APBA2: variants seen among roughly 807,000 people sequenced by gnomAD.
The protein encoded by APBA2 is amyloid beta precursor protein binding family A member 2, also known as amyloid-beta A4 precursor protein-binding family A member 2.
In APBA2, 30 loss-of-function variants were observed where a neutral mutation model predicts 75.0. The ratio of observed to expected loss-of-function variants is 0.40; its 90% CI spans 0.30 to 0.54. APBA2 has a LOEUF of 0.54. Among genes scored for constraint, APBA2 ranks in the 20% least tolerant of loss-of-function variants. The pLI, the probability that APBA2 is intolerant of heterozygous loss-of-function variation, is 0.49. For synonymous variants in APBA2, 444 were observed against 409.6 expected (o/e 1.08, Z -1.01); for missense variants, 801 against 1,016.1 (o/e 0.79, Z 2.88).
intron 8 of APBA2, 69 bp from the exon 9 acceptor site, chr15:29,098,421 A>G: frequency 9.5e-7 from 1 of 1,057,428 alleles, no homozygotes; most frequent in Non-Finnish European, 1.5e-6. Context: ...ATTTTGTCAT[A>G]ATGCTATTTG....
In APBA2 at chr15:28,921,163, T is replaced by C. The variant is rs73366706; in HGVS notation, c.-204-477T>C. ...CACAAGCTCTGTATCTCAGGCAGCA[T>C]TTTGTACTTTGAAAAAACAAGTTGG... On this transcript the variant is annotated intron_variant, in intron 1 of 14. Coordinates refer to ENST00000683413, the MANE Select transcript of APBA2 (RefSeq NM_001353788.2). Among the ~76,000 whole-genome samples the C allele has an allele frequency of 5.2e-3, 788 of 152,288 alleles. 10 individuals carry two copies. Among genetic ancestry groups the C allele is most frequent in the African/African-American group, 0.018 (760 of 41,554 alleles).
At chr15:29,092,112 T>A (rs1566997515) in intron 6 of APBA2, among the ~76,000 whole-genome samples, 1 of 152,204 alleles carries the variant, frequency 6.6e-6, no homozygotes, top group African/African-American at 2.4e-5. Flanking sequence ...ATATAAAGTT[T>A]CCTTGGCACA....
chr15:28,987,691 C>T (rs192809883), intron 2 of APBA2, among the ~76,000 whole-genome samples: 2 of 145,858 alleles, frequency 1.4e-5, no homozygotes, highest in East Asian at 4.3e-4. Flanking sequence ...AATTAGGTTC[C>T]ACTCTTTGAA....
chr15:28,910,596 T>A (rs2033383980), intron 1 of APBA2, among the ~76,000 whole-genome samples: 1 of 152,142 alleles, frequency 6.6e-6, no homozygotes, highest in South Asian at 2.1e-4. Context: ...GTGCCGAAAG[T>A]CTCTGCGTCA....
chr15:29,064,851 C>T (rs114581205), intron 4 of APBA2, among the ~76,000 whole-genome samples: 2,647 of 152,164 alleles, frequency 0.017, 74 homozygotes, highest in African/African-American at 0.061. Context: ...GAAGAAAGCA[C>T]CCGTTGGCGG....
intron 8 of APBA2, among the ~76,000 whole-genome samples, chr15:29,096,217 G>T (rs1046015899): frequency 6.6e-6 from 1 of 152,186 alleles, no homozygotes; most frequent in Non-Finnish European, 1.5e-5. Flanking sequence ...CCACCCTGTG[G>T]CCTGTTCTCT....
At chr15:28,896,914 C>T (rs2032526029) in intron 1 of APBA2, among the ~76,000 whole-genome samples, 1 of 152,144 alleles carries the variant, frequency 6.6e-6, no homozygotes, top group African/African-American at 2.4e-5. Context: ...CAGTGGTCCC[C>T]AAACTCTCAA....
intron 3 of APBA2, among the ~76,000 whole-genome samples, chr15:29,011,472 AC>A (rs35176501): frequency 0.32 from 48,434 of 152,048 alleles, 12,548 homozygotes; most frequent in African/African-American, 0.68. Context: ...TAGCTTGCTT[AC>A]CCCGTAGTCA....
chr15:29,029,966 G>C (rs1221997709), intron 3 of APBA2, among the ~76,000 whole-genome samples: 1 of 152,166 alleles, frequency 6.6e-6, no homozygotes, highest in Non-Finnish European at 1.5e-5. Flanking sequence ...GGCTACATGG[G>C]GTTTGTCGAG....
At chr15:28,941,478 C>T (rs1477212436) in intron 2 of APBA2, among the ~76,000 whole-genome samples, 2 of 137,802 alleles carry the variant, frequency 1.5e-5, no homozygotes, top group Admixed American at 1.5e-4. Flanking sequence ...TGACCAACGA[C>T]TCTTCAGTTA....
At chr15:28,995,256 C>T (rs1375036025) in intron 2 of APBA2, among the ~76,000 whole-genome samples, 3 of 152,144 alleles carry the variant, frequency 2.0e-5, no homozygotes, top group Non-Finnish European at 4.4e-5. Context: ...CCATCTTGCC[C>T]AGGAGAAGGT....
At chr15:28,988,452 C>T (rs1277934502) in intron 2 of APBA2, among the ~76,000 whole-genome samples, 2 of 152,046 alleles carry the variant, frequency 1.3e-5, no homozygotes, top group South Asian at 4.2e-4. Flanking sequence ...TTGGTAGAGA[C>T]GAGGTTTCGC....
intron 2 of APBA2, among the ~76,000 whole-genome samples, chr15:28,950,743 T>C (rs1595545847): frequency 6.6e-6 from 1 of 152,302 alleles, no homozygotes; most frequent in East Asian, 1.9e-4. Context: ...ACTCCACTCC[T>C]TCATGGGGGG....
chr15:28,952,471 G>T (rs1374887260), intron 2 of APBA2, among the ~76,000 whole-genome samples: 1 of 152,108 alleles, frequency 6.6e-6, no homozygotes, highest in Non-Finnish European at 1.5e-5. Flanking sequence ...AGTTGAGGCT[G>T]CAGTGAGCCA....
At chr15:29,091,349 A>G (rs1385289033) in intron 6 of APBA2, among the ~76,000 whole-genome samples, 2 of 152,212 alleles carry the variant, frequency 1.3e-5, no homozygotes, top group East Asian at 1.9e-4. Flanking sequence ...CAGACCCACT[A>G]CTGCCCAGGA....
In APBA2 at chr15:29,033,964, CAAAAAAAAAA is replaced by C. The variant is rs34808408; in HGVS notation, c.-40-19865_-40-19856del. Among the ~76,000 whole-genome samples, 7 of 39,550 alleles carry C rather than the reference CAAAAAAAAAA, an allele frequency of 1.8e-4. No individual in the cohort carries two copies. In the East Asian group the frequency reaches 3.3e-3, roughly 19 times the overall value. 25.9% of individuals were successfully genotyped at this position (39,550 alleles called of 152,430 possible). On this transcript the variant is annotated intron_variant, in intron 3 of 14. Coordinates refer to ENST00000683413, the MANE Select transcript of APBA2 (RefSeq NM_001353788.2). ...TGGGCGACAGAGTGAGACTCCATCT[CAAAAAAAAAA>C]AAAAAAAAAAAAAAAGAAGAAGGGA...
intron 11 of APBA2, among the ~76,000 whole-genome samples, chr15:29,106,358 C>T (rs2044402306): frequency 7.5e-6 from 1 of 132,654 alleles, no homozygotes; most frequent in Admixed American, 8.9e-5. Flanking sequence ...GATAGGGGGT[C>T]TGTGCTTCCA....
intron 10 of APBA2, among the ~76,000 whole-genome samples, chr15:29,104,365 C>T (rs914220368): frequency 7.2e-5 from 11 of 152,220 alleles, no homozygotes; most frequent in Non-Finnish European, 1.5e-4. Flanking sequence ...CCAAGAGCCC[C>T]GCCGCGCTCC....
At chr15:29,002,297 A>C (rs1461036542) in intron 3 of APBA2, among the ~76,000 whole-genome samples, 1 of 152,212 alleles carries the variant, frequency 6.6e-6, no homozygotes, top group Non-Finnish European at 1.5e-5. Context: ...AGTCTTCCAG[A>C]GTCATAGCAG....
Sources: gnomAD v4.1 joint callset for allele counts (sites outside exome capture counted in the v4.1 genomes callset) on GRCh38, gnomAD v4.1.1 for gene constraint, MANE v1.5 for transcripts, NCBI Gene and HGNC (gene_info 2026-07-23, HGNC 2026-07-21) for gene names.